Variants in DPY19L3 observed in about 807,000 individuals in gnomAD.
DPY19L3 encodes protein C-mannosyl-transferase DPY19L3.
Under a neutral mutation model 92.3 loss-of-function variants are expected in DPY19L3, and 51 were observed. The observed-to-expected ratio is 0.55, with a 90% confidence interval of 0.44 to 0.70. The LOEUF (loss-of-function observed/expected upper bound fraction) is 0.70, where lower values mean the gene tolerates loss of function less well. Among genes scored for constraint, DPY19L3 ranks in the 30% least tolerant of loss-of-function variants. The pLI is 0.00. For missense variants in DPY19L3, 706 were observed against 855.9 expected, an observed-to-expected ratio of 0.82 and a Z score of 2.18; for synonymous variants, 309 against 315.2, an observed-to-expected ratio of 0.98 and a Z score of 0.21.
At chr19:32,467,998 T>C in intron 15 of DPY19L3, 1 of 985,092 alleles carries the variant, frequency 1.0e-6, no homozygotes, top group African/African-American at 1.7e-5. Flanking sequence ...TATTATTCTC[T>C]TTCATTGTAC....
chr19:32,463,306 CA>C (rs1167516954), intron 12 of DPY19L3, 59 bp from the exon 13 acceptor site: 2 of 1,574,544 alleles, frequency 1.3e-6, no homozygotes, highest in African/African-American at 2.7e-5. Context: ...TCTTCTTTTA[CA>C]AAGATCTAAC....
At chr19:32,406,726 A>G (rs1967967079) in intron 1 of DPY19L3, among the ~76,000 whole-genome samples, 1 of 152,154 alleles carries the variant, frequency 6.6e-6, no homozygotes, top group South Asian at 2.1e-4. Flanking sequence ...TTTTGATCTG[A>G]TGGAGGAACT....
chr19:32,427,160 A>AT (rs1247735313), intron 3 of DPY19L3, among the ~76,000 whole-genome samples: 1 of 151,942 alleles, frequency 6.6e-6, no homozygotes, highest in Non-Finnish European at 1.5e-5. Context: ...TGCCCAGCTA[A>AT]TTTTTTATAT....
Position 32,485,562 on chromosome 19 carries a change from A to G in DPY19L3, c.*3322A>G, listed in dbSNP as rs1970776955. On this transcript the variant is annotated 3_prime_UTR_variant, in exon 19 of 19. Coordinates refer to ENST00000392250, the MANE Select transcript of DPY19L3 (RefSeq NM_001172774.2). ...ATTTTGTCTAAGATGTAAAAATTTG[A>G]GTTCATCTTTGGCCAAAACCTACCT... is the stretch of plus-strand genomic sequence containing the variant. 1 of 152,248 alleles carries G rather than the reference A, an allele frequency of 6.6e-6. No homozygotes were observed. Among genetic ancestry groups the G allele is most frequent in the Admixed American group, 6.5e-5 (1 of 15,286 alleles). The allele number at this position is 152,248 out of a possible 1,614,324, so 9.4% of individuals were successfully genotyped here.
chr19:32,438,878 A>G (rs961815344), intron 6 of DPY19L3: 3 of 378,276 alleles, frequency 7.9e-6, no homozygotes, highest in Non-Finnish European at 1.4e-5. Context: ...CTTGAACCCT[A>G]GGTGCTAAGG....
At position 32,462,335 on chromosome 19, in the gene DPY19L3, G is replaced by A. The variant is rs140227094; in HGVS notation, c.1323-1031G>A. ...AGTCTCAGGTGGGACAGACAGGGAT[G>A]GAGAGATTTCATCATGCAACACAGA... On this transcript the variant is annotated intron_variant, in intron 12 of 18. Transcript: ENST00000392250. Among the ~76,000 whole-genome samples the A allele has an allele frequency of 9.0e-4, 137 of 152,234 alleles. No individual in the cohort carries two copies. The Middle Eastern group carries it at 0.01, about 11-fold the overall frequency.
At chr19:32,431,557 G>A (rs1323926197) in intron 3 of DPY19L3, among the ~76,000 whole-genome samples, 2 of 151,990 alleles carry the variant, frequency 1.3e-5, no homozygotes, top group South Asian at 2.1e-4. Context: ...AAATACTTGG[G>A]GCCAGAAGTG....
intron 8 of DPY19L3, among the ~76,000 whole-genome samples, chr19:32,441,008 G>A (rs945863464): frequency 2.0e-5 from 3 of 152,204 alleles, no homozygotes; most frequent in Middle Eastern, 3.4e-3. Context: ...TATATGAAAT[G>A]TTTAGTGTTT....
intron 15 of DPY19L3, chr19:32,467,550 T>C (rs1458800457): frequency 4.1e-6 from 4 of 987,488 alleles, no homozygotes; most frequent in East Asian, 2.3e-4. Flanking sequence ...AAGATTTGAA[T>C]GAGCAGTAAA....
At chr19:32,419,798 T>C (rs1968504432) in intron 3 of DPY19L3, among the ~76,000 whole-genome samples, 1 of 151,836 alleles carries the variant, frequency 6.6e-6, no homozygotes, top group African/African-American at 2.4e-5. Flanking sequence ...GTCCTTTCAA[T>C]GCAACCTACT....
rs181226368 is a variant in DPY19L3, at chr19:32,417,447, G to A, written c.237+6075G>A. ...CAATTCTCCTGCCTCAGCCACCTGA[G>A]TAGCTGAGCTTAACAGGTGCGTGCC... On this transcript the variant is annotated intron_variant, in intron 3 of 18. Coordinates refer to ENST00000392250, the MANE Select transcript of DPY19L3 (RefSeq NM_001172774.2). Among the ~76,000 whole-genome samples the A allele has an allele frequency of 4.6e-5, 7 of 152,362 alleles. No homozygotes were observed. In the South Asian group the frequency reaches 1.0e-3, roughly 23 times the overall value.
At chr19:32,443,798 G>A (rs1969398122) in intron 8 of DPY19L3, among the ~76,000 whole-genome samples, 1 of 152,146 alleles carries the variant, frequency 6.6e-6, no homozygotes. Flanking sequence ...AGTGGCTCAT[G>A]CCTGTAATCT....
chr19:32,431,439 T>A (rs1427272541), intron 3 of DPY19L3, among the ~76,000 whole-genome samples: 8 of 152,166 alleles, frequency 5.3e-5, no homozygotes. Flanking sequence ...GGACATGGTT[T>A]GTTTTGTTTT....
chr19:32,458,314 A>G (rs754802930), intron 11 of DPY19L3, 37 bp from the exon 12 acceptor site: 23 of 1,601,020 alleles, frequency 1.4e-5, no homozygotes, highest in East Asian at 2.2e-5. Flanking sequence ...TTTGTCTTAT[A>G]TTGAATTTAA....
intron 4 of DPY19L3, among the ~76,000 whole-genome samples, chr19:32,435,710 T>C (rs1305783926): frequency 6.6e-6 from 1 of 152,230 alleles, no homozygotes; most frequent in Non-Finnish European, 1.5e-5. Flanking sequence ...AGGAGCAAGG[T>C]TGAGGATCTT....
chr19:32,460,245 A>T (rs778541275), intron 12 of DPY19L3, among the ~76,000 whole-genome samples: 1 of 152,106 alleles, frequency 6.6e-6, no homozygotes, highest in African/African-American at 2.4e-5. Context: ...TACGGAAAAA[A>T]AAAAGAAAAA....
chr19:32,432,681 G>A, intron 3 of DPY19L3, 35 bp from the exon 4 acceptor site: 1 of 1,577,658 alleles, frequency 6.3e-7, no homozygotes, highest in Non-Finnish European at 8.7e-7. Context: ...ACAAAACTAG[G>A]TCACATAAAC....
Position 32,484,138 on chromosome 19 carries a change from T to A in DPY19L3, c.*1898T>A, listed in dbSNP as rs982580149. 1.3e-5 allele frequency: 2 copies of A among 152,462 alleles called. No homozygotes were observed. The highest frequency in any genetic ancestry group is 2.9e-5 in the Non-Finnish European group (2 of 68,014). 9.4% of individuals were successfully genotyped at this position (152,462 alleles called of 1,614,324 possible). A position where few individuals can be genotyped will look rare whatever the true frequency, so the allele number is the denominator to read the frequency against. ...AAACAGTGATTTTTTTTTTCATAGT[T>A]TAGGTGTCATTGTTGCCAGCACCTT... On this transcript the variant is annotated 3_prime_UTR_variant, in exon 19 of 19. Transcript: ENST00000392250.
chr19:32,460,939 C>T (rs1215504818), intron 12 of DPY19L3, among the ~76,000 whole-genome samples: 1 of 152,130 alleles, frequency 6.6e-6, no homozygotes, highest in Non-Finnish European at 1.5e-5. Flanking sequence ...AATCTCGGCT[C>T]ACTGCAACCT....
Sources: gnomAD v4.1 joint callset for allele counts (sites outside exome capture counted in the v4.1 genomes callset) on GRCh38, gnomAD v4.1.1 for gene constraint, MANE v1.5 for transcripts, NCBI Gene and HGNC (gene_info 2026-07-23, HGNC 2026-07-21) for gene names.